Variants in CENPL observed in about 807,000 individuals in gnomAD.
CENPL encodes interphase centromere complex protein 33.
In CENPL, 20 loss-of-function variants were observed where a neutral mutation model predicts 35.2. The ratio of observed to expected loss-of-function variants is 0.57; its 90% CI spans 0.40 to 0.83. The LOEUF (loss-of-function observed/expected upper bound fraction) is 0.83, where lower values mean the gene tolerates loss of function less well. Among genes scored for constraint, CENPL ranks in the 40% least tolerant of loss-of-function variants. The probability of loss-of-function intolerance (pLI) is 0.00; values close to 1 mark genes in which losing one functional copy is unlikely to be tolerated. For missense variants in CENPL, 363 were observed against 395.8 expected, an observed-to-expected ratio of 0.92 and a Z score of 0.70; for synonymous variants, 140 against 140.6, an observed-to-expected ratio of 1.00 and a Z score of 0.03.
rs1474478351 is a variant in CENPL at position 173,824,319 on chromosome 1, G to A, written c.-209C>T. 1 of 152,398 alleles carries A rather than the reference G, an allele frequency of 6.6e-6. No individual in the cohort carries two copies. The highest frequency in any genetic ancestry group is 1.5e-5 in the Non-Finnish European group (1 of 68,092). 9.4% of individuals were successfully genotyped at this position (152,398 alleles called of 1,614,324 possible). A position where few individuals can be genotyped will look rare whatever the true frequency, so the allele number is the denominator to read the frequency against. ...TCCCTCTCCAGCTGAGCCTGTCAGAGACCAGCCCAGCTCTGAAATCAAGCC... is the reference window on the plus strand; with the variant it reads ...TCCCTCTCCAGCTGAGCCTGTCAGAAACCAGCCCAGCTCTGAAATCAAGCC... On this transcript the variant is annotated 5_prime_UTR_variant, in exon 1 of 6. Transcript: ENST00000682279.
chr1:173,824,334 G>A lies in CENPL; in HGVS notation c.-224C>T, dbSNP rs553979993. On this transcript the variant is annotated 5_prime_UTR_variant, in exon 1 of 6. Transcript: ENST00000682279. ...GCCTGTCAGAGACCAGCCCAGCTCTGAAATCAAGCCGTTGAGAAAAGGGAA... is the reference window on the plus strand; with the variant it reads ...GCCTGTCAGAGACCAGCCCAGCTCTAAAATCAAGCCGTTGAGAAAAGGGAA... 2 of 152,324 alleles carry A rather than the reference G, an allele frequency of 1.3e-5. No individual in the cohort carries two copies. The highest frequency in any genetic ancestry group is 4.8e-5 in the African/African-American group (2 of 41,468). The allele number at this position is 152,324 out of a possible 1,614,324, so 9.4% of individuals were successfully genotyped here.
rs762017774 is a variant in CENPL, at chr1:173,803,105, T to C, written c.821A>G (p.Glu274Gly). 1.9e-6 allele frequency: 3 copies of C among 1,614,128 alleles called. No homozygotes were observed. The highest frequency in any genetic ancestry group is 2.5e-6 in the Non-Finnish European group (3 of 1,179,978). Residue 274 changes from glutamate to glycine, a missense_variant, in exon 5 of 6, where the codon GAG becomes GGG. Transcript: ENST00000682279. The stretch of plus-strand genomic sequence containing the variant: ...TAGGTCAACTTCTTCCTGGGTAACC[T>C]CCCCAGGTGTTTTGTGGACACTGTC... ...LWDSVHKTPG[E>G]VTQEEVDLFM...
intron 2 of CENPL, among the ~76,000 whole-genome samples, chr1:173,817,337 G>A (rs998325149): frequency 2.6e-5 from 4 of 152,106 alleles, no homozygotes; most frequent in African/African-American, 9.7e-5. Context: ...ATCAAAAAGT[G>A]GGCAAAGGAT....
chr1:173,813,745 T>C (rs1308311379), intron 2 of CENPL, among the ~76,000 whole-genome samples: 1 of 152,124 alleles, frequency 6.6e-6, no homozygotes, highest in Non-Finnish European at 1.5e-5. Flanking sequence ...AGATCATCAA[T>C]GCTAGGAAGA....
At chr1:173,808,820 T>C (rs1044450639) in intron 3 of CENPL, among the ~76,000 whole-genome samples, 1 of 152,042 alleles carries the variant, frequency 6.6e-6, no homozygotes, top group Non-Finnish European at 1.5e-5. Flanking sequence ...ATTCAGGACA[T>C]AGGTACAGGC....
chr1:173,820,697 CTG>C (rs1347193450), intron 2 of CENPL, among the ~76,000 whole-genome samples: 1 of 152,108 alleles, frequency 6.6e-6, no homozygotes, highest in Non-Finnish European at 1.5e-5. Flanking sequence ...GATAAATAAA[CTG>C]TGGTACATCC....
At chr1:173,823,784 C>G (rs1231790855) in intron 2 of CENPL, 142 bp downstream of exon 2, 1 of 152,180 alleles carries the variant, frequency 6.6e-6, no homozygotes, top group East Asian at 1.9e-4. Flanking sequence ...TAAATCCAAC[C>G]GCCCCAATGC....
intron 2 of CENPL, among the ~76,000 whole-genome samples, chr1:173,819,725 T>C (rs560939399): frequency 3.1e-4 from 47 of 152,300 alleles, no homozygotes; most frequent in Admixed American, 6.5e-4. Context: ...AGTCTCACTG[T>C]TGTTGGCCTG....
chr1:173,815,198 C>T (rs1255408187), intron 2 of CENPL, among the ~76,000 whole-genome samples: 1 of 152,056 alleles, frequency 6.6e-6, no homozygotes, highest in Non-Finnish European at 1.5e-5. Flanking sequence ...TAATTAATAG[C>T]CTACCAACCA....
At position 173,811,280 on chromosome 1, in the gene CENPL, G is replaced by C. The variant is rs1650798597; in HGVS notation, c.20C>G (p.Pro7Arg). Residue 7 changes from proline to arginine, a missense_variant, in exon 3 of 6, where the codon CCA (proline) becomes CGA (arginine). Physicochemically the swap from Pro to Arg is moderately radical, Grantham distance 103 (BLOSUM62 -2). Coordinates refer to ENST00000682279, the MANE Select transcript of CENPL (RefSeq NM_001387287.1). MDSYSA[P>R]ESTPSASSRP... ...TGAGGATGCACTAGGAGTTGACTCT[G>C]GTGCACTGTAAGAATCCATGGTCTG... is the stretch of plus-strand genomic sequence containing the variant. 1.2e-6 allele frequency: 2 copies of C among 1,607,632 alleles called. No individual in the cohort carries two copies.
In CENPL at chr1:173,799,962, C is replaced by G. The variant is rs1393215241; in HGVS notation, c.*486G>C. 6.6e-6 allele frequency: 1 copy of G among 152,290 alleles called. No homozygotes were observed. The highest frequency in any genetic ancestry group is 1.5e-5 in the Non-Finnish European group (1 of 68,144). 9.4% of individuals were successfully genotyped at this position (152,290 alleles called of 1,614,324 possible). ...CTGCAGCCTGTCTTCTGGGTTAAAA[C>G]GATTCTCCTGCCTCAGCCTCCCCAG... is the stretch of plus-strand genomic sequence containing the variant. On this transcript the variant is annotated 3_prime_UTR_variant, in exon 6 of 6. Transcript: ENST00000682279.
intron 5 of CENPL, among the ~76,000 whole-genome samples, chr1:173,800,994 T>C (rs962935804): frequency 3.9e-5 from 6 of 152,104 alleles, no homozygotes; most frequent in African/African-American, 1.4e-4. Context: ...TTCTATTTCT[T>C]TCCCTTTTTG....
intron 2 of CENPL, among the ~76,000 whole-genome samples, chr1:173,817,217 A>G (rs1048161720): frequency 6.6e-6 from 1 of 152,236 alleles, no homozygotes; most frequent in African/African-American, 2.4e-5. Flanking sequence ...GTGAACAGGC[A>G]ATCTACAGAA....
intron 2 of CENPL, among the ~76,000 whole-genome samples, chr1:173,813,419 C>T (rs1217609434): frequency 6.6e-6 from 1 of 152,096 alleles, no homozygotes; most frequent in Non-Finnish European, 1.5e-5. Context: ...TAAGGGCAGC[C>T]AGAGAGAAAG....
intron 2 of CENPL, among the ~76,000 whole-genome samples, chr1:173,818,961 A>T (rs1651676516): frequency 6.6e-6 from 1 of 152,236 alleles, no homozygotes; most frequent in Non-Finnish European, 1.5e-5. Flanking sequence ...AGGGCCGGGC[A>T]TGGTAGCTCA....
intron 5 of CENPL, among the ~76,000 whole-genome samples, chr1:173,800,861 G>A (rs1264491642): frequency 1.3e-5 from 2 of 152,182 alleles, no homozygotes; most frequent in Admixed American, 6.5e-5. Flanking sequence ...CAAGGCTGAG[G>A]CAGGAGGATC....
intron 3 of CENPL, among the ~76,000 whole-genome samples, chr1:173,807,846 T>G (rs755667485): frequency 6.6e-6 from 1 of 152,208 alleles, no homozygotes; most frequent in Non-Finnish European, 1.5e-5. Context: ...CTGGCTTTAC[T>G]TTTCTTCACA....
At position 173,811,237 on chromosome 1, in the gene CENPL, A is replaced by T. The variant is rs151044818; in HGVS notation, c.63T>A (p.Phe21Leu). 1 of 1,613,496 alleles carries T rather than the reference A, an allele frequency of 6.2e-7. No individual in the cohort carries two copies. Residue 21 changes from phenylalanine (F) to leucine (L), a missense_variant, in exon 3 of 6, where the codon TTT (phenylalanine) becomes TTA (leucine). Physicochemically the swap from Phe to Leu is conservative, Grantham distance 22 (BLOSUM62 0). Coordinates refer to ENST00000682279, the MANE Select transcript of CENPL (RefSeq NM_001387287.1). ...GTTTCTGCAGAGGAGTGGCACCTAT[A>T]AAGTAATCTTCAGGTCTTGAGGATG... ...PSASSRPEDY[F>L]IGATPLQKRL... is the part of the protein sequence containing the mutation.
chr1:173,812,815 A>C (rs1326801520), intron 2 of CENPL, among the ~76,000 whole-genome samples: 1 of 152,224 alleles, frequency 6.6e-6, no homozygotes, highest in Non-Finnish European at 1.5e-5. Flanking sequence ...AGCTGGATGG[A>C]GAATGGCTTT....
Sources: allele counts gnomAD v4.1 joint callset (sites outside exome capture counted in the v4.1 genomes callset), GRCh38; gene constraint gnomAD v4.1.1; transcripts MANE v1.5; gene names NCBI Gene and HGNC (gene_info 2026-07-23, HGNC 2026-07-21).